CCDC172: variants seen among roughly 807,000 people sequenced by gnomAD.
CCDC172 encodes coiled-coil domain-containing protein 172.
In CCDC172, 30 loss-of-function variants were observed where a neutral mutation model predicts 38.0. The observed-to-expected ratio is 0.79, with a 90% confidence interval of 0.59 to 1.07. The LOEUF is 1.07. Among genes scored for constraint, CCDC172 ranks in the 50% least tolerant of loss-of-function variants. The pLI is 0.00. For synonymous variants in CCDC172, 78 were observed against 88.3 expected, an observed-to-expected ratio of 0.88 and a Z score of 0.66; for missense variants, 297 against 290.1, an observed-to-expected ratio of 1.02 and a Z score of -0.17.
chr10:116,342,973 TC>T (rs1283675168), intron 5 of CCDC172, among the ~76,000 whole-genome samples: 2 of 151,886 alleles, frequency 1.3e-5, no homozygotes, highest in Non-Finnish European at 1.5e-5. Flanking sequence ...TTCTTCTTCT[TC>T]TTTTTTAATA....
At chr10:116,335,124 G>T (rs975875227) in intron 3 of CCDC172, among the ~76,000 whole-genome samples, 1 of 151,820 alleles carries the variant, frequency 6.6e-6, no homozygotes, top group African/African-American at 2.4e-5. Flanking sequence ...GTTTGTTTCC[G>T]AATCCATTCT....
chr10:116,371,980 G>C (rs1016471595), intron 7 of CCDC172, among the ~76,000 whole-genome samples: 2 of 152,046 alleles, frequency 1.3e-5, no homozygotes, highest in African/African-American at 4.8e-5. Flanking sequence ...CACTTTCTGA[G>C]GGTCATTTAA....
At chr10:116,348,920 T>C (rs1490471374) in intron 5 of CCDC172, among the ~76,000 whole-genome samples, 4 of 152,172 alleles carry the variant, frequency 2.6e-5, no homozygotes, top group Non-Finnish European at 5.9e-5. Flanking sequence ...CGTGGCCTGT[T>C]AAGAAGTAAG....
intron 5 of CCDC172, among the ~76,000 whole-genome samples, chr10:116,352,655 A>C (rs1257148286): frequency 6.6e-6 from 1 of 152,124 alleles, no homozygotes; most frequent in Non-Finnish European, 1.5e-5. Context: ...CCCACAGCTA[A>C]TGTCATTCTT....
chr10:116,329,866 G>A (rs1025625082), intron 3 of CCDC172, among the ~76,000 whole-genome samples: 1 of 152,154 alleles, frequency 6.6e-6, no homozygotes, highest in African/African-American at 2.4e-5. Flanking sequence ...TTTGATTGAA[G>A]TGTCAAAAAT....
intron 3 of CCDC172, among the ~76,000 whole-genome samples, chr10:116,326,176 G>T (rs983712744): frequency 6.6e-6 from 1 of 152,198 alleles, no homozygotes; most frequent in Non-Finnish European, 1.5e-5. Context: ...GGAGGCTAAG[G>T]TGAGAAGACA....
chr10:116,336,727 T>A (rs1326463446), intron 3 of CCDC172, among the ~76,000 whole-genome samples: 1 of 152,150 alleles, frequency 6.6e-6, no homozygotes, highest in East Asian at 1.9e-4. Context: ...ATGGGGCAGA[T>A]TATTTAATCA....
intron 3 of CCDC172, among the ~76,000 whole-genome samples, chr10:116,325,794 GTTTTAAAAGT>G (rs1844584265): frequency 6.6e-6 from 1 of 152,152 alleles, no homozygotes; most frequent in African/African-American, 2.4e-5. Flanking sequence ...CCTGCCTTTA[GTTTTAAAAGT>G]CTCTACCACA....
At chr10:116,359,502 C>T (rs944148436) in intron 7 of CCDC172, among the ~76,000 whole-genome samples, 5 of 152,138 alleles carry the variant, frequency 3.3e-5, no homozygotes, top group African/African-American at 9.6e-5. Flanking sequence ...TCTTTGTTGT[C>T]GGGGGCTGTT....
intron 3 of CCDC172, among the ~76,000 whole-genome samples, chr10:116,332,337 A>G (rs761493355): frequency 6.6e-6 from 1 of 152,160 alleles, no homozygotes; most frequent in Admixed American, 6.6e-5. Context: ...TTTTACTGCC[A>G]TATTAACCAT....
chr10:116,333,674 G>A (rs1844693697), intron 3 of CCDC172, among the ~76,000 whole-genome samples: 2 of 152,280 alleles, frequency 1.3e-5, no homozygotes, highest in Middle Eastern at 3.4e-3. Context: ...AGTACAAGAT[G>A]TTCTTGACCG....
chr10:116,336,685 T>G (rs1194519244), intron 3 of CCDC172, among the ~76,000 whole-genome samples: 5 of 152,148 alleles, frequency 3.3e-5, no homozygotes. Flanking sequence ...ACTCTTAGTT[T>G]TTTTTTTAAA....
At chr10:116,337,962 A>G (rs1565713285) in intron 3 of CCDC172, among the ~76,000 whole-genome samples, 1 of 152,206 alleles carries the variant, frequency 6.6e-6, no homozygotes, top group Non-Finnish European at 1.5e-5. Context: ...AACAAAAGGA[A>G]CCATCTGAAA....
At chr10:116,365,852 C>T (rs148240670) in intron 7 of CCDC172, among the ~76,000 whole-genome samples, 48 of 152,202 alleles carry the variant, frequency 3.2e-4, no homozygotes, top group African/African-American at 1.1e-3. Flanking sequence ...GTTTCAGTTG[C>T]CTACAGTATT....
In CCDC172 at chr10:116,379,266, ATTATT is replaced by A. The variant is rs1202148420; in HGVS notation, c.742-51_742-47del. On this transcript the variant is annotated intron_variant, in intron 8 of 8. Coordinates refer to ENST00000333254, the MANE Select transcript of CCDC172 (RefSeq NM_198515.3). ...ATTAAATTTAGGTACATTTTATGTA[ATTATT>A]TTATTAAGAATTTACTTTTCCTCAT... 4.3e-5 allele frequency: 42 copies of A among 983,260 alleles called. No homozygotes were observed. The African/African-American group carries it at 5.1e-4, about 12-fold the overall frequency. 60.9% of individuals were successfully genotyped at this position (983,260 alleles called of 1,614,324 possible).
At chr10:116,348,887 C>A (rs1844898268) in intron 5 of CCDC172, among the ~76,000 whole-genome samples, 1 of 152,078 alleles carries the variant, frequency 6.6e-6, no homozygotes, top group Admixed American at 6.6e-5. Context: ...TGTGGGTCCC[C>A]AACCCCTGGG....
At chr10:116,338,791 T>G (rs918046261) in intron 3 of CCDC172, among the ~76,000 whole-genome samples, 5 of 152,154 alleles carry the variant, frequency 3.3e-5, no homozygotes, top group Non-Finnish European at 7.4e-5. Flanking sequence ...TAGATTTGCT[T>G]AAGTCTCATT....
intron 4 of CCDC172, among the ~76,000 whole-genome samples, chr10:116,341,184 G>A (rs1183477994): frequency 6.6e-6 from 1 of 152,060 alleles, no homozygotes; most frequent in Non-Finnish European, 1.5e-5. Context: ...ATTTATGGAT[G>A]TGGCTAAAAG....
At chr10:116,329,389 C>T (rs1844629556) in intron 3 of CCDC172, among the ~76,000 whole-genome samples, 2 of 152,032 alleles carry the variant, frequency 1.3e-5, no homozygotes, top group Admixed American at 1.3e-4. Context: ...GGCCTTTGCA[C>T]TTGCTGTTTC....
Sources: allele counts gnomAD v4.1 joint callset (sites outside exome capture counted in the v4.1 genomes callset), GRCh38; gene constraint gnomAD v4.1.1; transcripts MANE v1.5; gene names NCBI Gene and HGNC (gene_info 2026-07-23, HGNC 2026-07-21).